The following FAM114A1 variants were observed in gnomAD, a reference collection of about 807,000 sequenced individuals.
FAM114A1 encodes the protein protein NOXP20.
FAM114A1 carries 62 observed loss-of-function variants against 64.3 expected under a neutral mutation model. The observed-to-expected ratio is 0.96, with a 90% CI of 0.79 to 1.19. The LOEUF is 1.19. FAM114A1 is among the 50% of genes most tolerant of loss of function. The pLI is 0.00. For synonymous variants in FAM114A1, 254 were observed against 251.1 expected, an observed-to-expected ratio of 1.01 and a Z score of -0.11; for missense variants, 645 against 676.3, an observed-to-expected ratio of 0.95 and a Z score of 0.51.
chr4:38,921,120 G>T (rs562579003), intron 8 of FAM114A1, among the ~76,000 whole-genome samples: 1 of 152,234 alleles, frequency 6.6e-6, no homozygotes, highest in African/African-American at 2.4e-5. Context: ...TGTCTCTCTC[G>T]CCAGAGCAAG....
intron 3 of FAM114A1, among the ~76,000 whole-genome samples, chr4:38,883,425 A>G (rs899270710): frequency 1.3e-5 from 2 of 152,188 alleles, no homozygotes; most frequent in Non-Finnish European, 2.9e-5. Flanking sequence ...TCAACCCTTA[A>G]AAGACCCAAT....
At chr4:38,872,416 A>G (rs1257815828) in intron 2 of FAM114A1, among the ~76,000 whole-genome samples, 1 of 152,254 alleles carries the variant, frequency 6.6e-6, no homozygotes, top group African/African-American at 2.4e-5. Context: ...ATAAGTGTTT[A>G]TCACAGCCAG....
At chr4:38,923,224 C>CTTTTTTTT (rs55688191) in intron 9 of FAM114A1, among the ~76,000 whole-genome samples, 1 of 131,738 alleles carries the variant, frequency 7.6e-6, no homozygotes, top group Non-Finnish European at 1.6e-5. Context: ...TATGCTGCCA[C>CTTTTTTTT]TTTTTTTTTT....
intron 8 of FAM114A1, among the ~76,000 whole-genome samples, chr4:38,915,742 G>GT (rs1330874144): frequency 1.6e-5 from 2 of 127,392 alleles, no homozygotes; most frequent in Non-Finnish European, 3.2e-5. Context: ...AGCATCTATA[G>GT]TGGTGTGTGT....
At position 38,944,099 on chromosome 4, in the gene FAM114A1, T is replaced by A. The variant is rs1002477257; in HGVS notation, c.*542T>A. The A allele has an allele frequency of 5.2e-5, 7 of 135,916 alleles. No individual in the cohort carries two copies. The highest frequency in any genetic ancestry group is 9.0e-5 in the Non-Finnish European group (6 of 66,530). 8.4% of individuals were successfully genotyped at this position (135,916 alleles called of 1,614,324 possible). On this transcript the variant is annotated 3_prime_UTR_variant, in exon 15 of 15. Transcript: ENST00000358869. ...TTTTTTTTTTTTTTGAGACAGAGTC[T>A]CACTCTGTCGCCAGGCTGGAGTGCG...
chr4:38,881,201 C>CAAA lies in FAM114A1; in HGVS notation c.348+2787_348+2789dup, dbSNP rs34293468. Among the ~76,000 whole-genome samples the CAAA allele has an allele frequency of 5.5e-3, 760 of 137,070 alleles. 9 individuals carry two copies. Among genetic ancestry groups the CAAA allele is most frequent in the African/African-American group, 0.019 (711 of 37,480 alleles). 89.9% of individuals were successfully genotyped at this position (137,070 alleles called of 152,430 possible). ...CCTGGGTGACAGCGAGACTCTGTCT[C>CAAA]AAAAAAAAAAAAAATCAGTATGCTT... On this transcript the variant is annotated intron_variant, in intron 3 of 14. Coordinates refer to ENST00000358869, the MANE Select transcript of FAM114A1 (RefSeq NM_138389.4).
At chr4:38,879,544 C>G (rs1714999562) in intron 3 of FAM114A1, among the ~76,000 whole-genome samples, 2 of 152,184 alleles carry the variant, frequency 1.3e-5, no homozygotes, top group African/African-American at 4.8e-5. Context: ...TTGGGCTACC[C>G]TCCCACCCAC....
At chr4:38,911,559 G>A (rs1718531768) in intron 7 of FAM114A1, among the ~76,000 whole-genome samples, 1 of 152,178 alleles carries the variant, frequency 6.6e-6, no homozygotes, top group Non-Finnish European at 1.5e-5. Context: ...GGCCTTGTAG[G>A]TAGTGAGGAA....
intron 2 of FAM114A1, among the ~76,000 whole-genome samples, chr4:38,876,307 C>G (rs1714632364): frequency 6.6e-6 from 1 of 151,454 alleles, no homozygotes; most frequent in African/African-American, 2.4e-5. Flanking sequence ...GTAGCTGGGA[C>G]TACAGGTGCA....
chr4:38,922,679 T>C, intron 8 of FAM114A1, 91 bp from the exon 9 acceptor site: 2 of 1,492,632 alleles, frequency 1.3e-6, no homozygotes, highest in South Asian at 2.7e-5. Flanking sequence ...CATGAATCAC[T>C]TTTGTCCTGG....
chr4:38,905,936 A>T, intron 6 of FAM114A1, 75 bp downstream of exon 6: 1 of 1,285,216 alleles, frequency 7.8e-7, no homozygotes, highest in Non-Finnish European at 1.1e-6. Flanking sequence ...TTTACCAGTG[A>T]CCTAGATACA....
chr4:38,924,775 G>A (rs189806157), intron 9 of FAM114A1, among the ~76,000 whole-genome samples: 15 of 152,212 alleles, frequency 9.9e-5, no homozygotes, highest in East Asian at 3.9e-4. Flanking sequence ...CATGTAGCTC[G>A]CCTTGTGGAC....
At chr4:38,913,112 T>G (rs1031722735) in intron 7 of FAM114A1, among the ~76,000 whole-genome samples, 2 of 152,214 alleles carry the variant, frequency 1.3e-5, no homozygotes, top group African/African-American at 4.8e-5. Flanking sequence ...TCTTCCCCTG[T>G]GACCTTGTGG....
chr4:38,878,768 G>C (rs561803930), intron 3 of FAM114A1, among the ~76,000 whole-genome samples: 2 of 152,138 alleles, frequency 1.3e-5, no homozygotes, highest in Non-Finnish European at 2.9e-5. Context: ...TGGCAACCAG[G>C]CTCAGAGGTG....
At chr4:38,881,553 G>T (rs1478667053) in intron 3 of FAM114A1, among the ~76,000 whole-genome samples, 1 of 152,124 alleles carries the variant, frequency 6.6e-6, no homozygotes, top group Admixed American at 6.5e-5. Context: ...AAGAAGGGCA[G>T]GAAAGCCGAT....
chr4:38,899,886 A>AT (rs904180252), intron 4 of FAM114A1, among the ~76,000 whole-genome samples: 69 of 151,600 alleles, frequency 4.6e-4, no homozygotes, highest in African/African-American at 1.3e-3. Context: ...CTAATTTGCA[A>AT]TTTTTTTTTC....
chr4:38,932,237 A>T lies in FAM114A1; in HGVS notation c.1326A>T (p.Glu442Asp). 6.3e-7 allele frequency: 1 copy of T among 1,591,762 alleles called. No homozygotes were observed. Among genetic ancestry groups the T allele is most frequent in the South Asian group, 1.2e-5 (1 of 86,404 alleles). ...KEEKKTKTIEEVYMSSIESLA... is the reference protein window; with the variant it reads ...KEEKKTKTIEDVYMSSIESLA... The stretch of plus-strand genomic sequence containing the variant: ...TTGCTTGTGTCTATTCATTTCAGGA[A>T]GTATACATGTCGTCCATTGAAAGTC... The change falls in exon 12 of 15, where the codon GAA (glutamate) becomes GAT (aspartate). Residue 442 changes from glutamate to aspartate, a missense_variant and splice_region_variant. Physicochemically the swap from Glu to Asp is conservative, Grantham distance 45 (BLOSUM62 2). Transcript: ENST00000358869.
At chr4:38,897,956 A>T (rs527780363) in intron 4 of FAM114A1, among the ~76,000 whole-genome samples, 1 of 151,848 alleles carries the variant, frequency 6.6e-6, no homozygotes, top group East Asian at 1.9e-4. Flanking sequence ...AAAAAAAAAA[A>T]AAGAAAGAAA....
chr4:38,940,980 G>A lies in FAM114A1; in HGVS notation c.1549G>A (p.Ala517Thr). 1 of 1,614,084 alleles carries A rather than the reference G, an allele frequency of 6.2e-7. No individual in the cohort carries two copies. Among genetic ancestry groups the A allele is most frequent in the Non-Finnish European group, 8.5e-7 (1 of 1,180,002 alleles). ...TCTGATTCCACAGAGCAACAAGAAG[G>A]CCGAGGTCCTTAACCCCATGATCAG... The part of the protein sequence containing the change: ...SLTTVGSNKK[A>T]EVLNPMISSV... The change falls in exon 14 of 15, where the codon GCC becomes ACC. Residue 517 changes from alanine (A) to threonine (T), a missense_variant. Ala to Thr is a moderately conservative substitution (Grantham distance 58). Transcript: ENST00000358869.
Sources: allele counts gnomAD v4.1 joint callset (sites outside exome capture counted in the v4.1 genomes callset), GRCh38; gene constraint gnomAD v4.1.1; transcripts MANE v1.5; gene names NCBI Gene and HGNC (gene_info 2026-07-23, HGNC 2026-07-21).